The following SPEF2 variants were observed in gnomAD, a reference collection of about 807,000 sequenced individuals.
SPEF2 encodes the protein sperm flagellar and cilia associated 2, also known as sperm flagella and cilia-associated protein 2.
Under a neutral mutation model 224.6 loss-of-function variants are expected in SPEF2, and 187 were observed. The observed-to-expected ratio is 0.83, with a 90% CI of 0.74 to 0.94. The LOEUF (loss-of-function observed/expected upper bound fraction) is 0.94, where lower values mean the gene tolerates loss of function less well. Among genes scored for constraint, SPEF2 ranks in the 40% least tolerant of loss-of-function variants. SPEF2 has a pLI of 0.00. For missense variants in SPEF2, 2,170 were observed against 2,135.6 expected, an observed-to-expected ratio of 1.02 and a Z score of -0.32; for synonymous variants, 715 against 707.3, an observed-to-expected ratio of 1.01 and a Z score of -0.17.
chr5:35,623,112 G>A (rs1743755352), intron 1 of SPEF2, among the ~76,000 whole-genome samples: 1 of 152,220 alleles, frequency 6.6e-6, no homozygotes, highest in African/African-American at 2.4e-5. Context: ...ATCTCAGTAA[G>A]AGGGTGCTAG....
At chr5:35,741,266 G>A (rs1457144157) in intron 23 of SPEF2, among the ~76,000 whole-genome samples, 1 of 152,204 alleles carries the variant, frequency 6.6e-6, no homozygotes. Flanking sequence ...GTACCATTTT[G>A]TAAACAGTGG....
chr5:35,738,569 A>G (rs904850955), intron 21 of SPEF2, among the ~76,000 whole-genome samples: 4 of 148,290 alleles, frequency 2.7e-5, no homozygotes, highest in Non-Finnish European at 6.0e-5. Context: ...ACAAGTTTTG[A>G]CAAACTTGTT....
At position 35,712,836 on chromosome 5, in the gene SPEF2, C is replaced by G. The variant is rs775492243; in HGVS notation, c.2864C>G (p.Ser955Cys). 1.2e-6 allele frequency: 2 copies of G among 1,613,798 alleles called. No homozygotes were observed. Among genetic ancestry groups the G allele is most frequent in the South Asian group, 2.2e-5 (2 of 91,066 alleles). The change falls in exon 20 of 37, where the codon TCT (serine) becomes TGT (cysteine). Residue 955 changes from serine (S) to cysteine (C), a missense_variant. Coordinates refer to ENST00000356031, the MANE Select transcript of SPEF2 (RefSeq NM_024867.4). ...QSEAPHGKQE[S>C]LQEGKGKKGE... Reference sequence around the variant, plus strand: ...GAAGCCCCGCATGGTAAGCAAGAATCTCTTCAGGAAGGAAAAGGGAAGAAA... The same window carrying G: ...GAAGCCCCGCATGGTAAGCAAGAATGTCTTCAGGAAGGAAAAGGGAAGAAA...
intron 8 of SPEF2, among the ~76,000 whole-genome samples, chr5:35,664,844 G>GAA (rs113552848): frequency 1.5e-4 from 23 of 150,574 alleles, no homozygotes; most frequent in Middle Eastern, 3.4e-3. Context: ...GGAGGAGAGA[G>GAA]AGAAAACGAG....
At chr5:35,795,592 C>G (rs1756556245) in intron 32 of SPEF2, 111 bp from the exon 33 acceptor site, 2 of 805,478 alleles carry the variant, frequency 2.5e-6, no homozygotes, top group Non-Finnish European at 3.9e-6. Context: ...CTGCATCCTA[C>G]TTGGGAGACA....
rs186124263 is a variant in SPEF2, at chr5:35,808,069, A to G, written c.5379+816A>G. ...GTAGATTGTGTATCTTGACTTCTCAATGATAGCAAGTTACATTTTGCAGTT... is the reference window on the plus strand; with the variant it reads ...GTAGATTGTGTATCTTGACTTCTCAGTGATAGCAAGTTACATTTTGCAGTT... On this transcript the variant is annotated intron_variant, in intron 36 of 36. Coordinates refer to ENST00000356031, the MANE Select transcript of SPEF2 (RefSeq NM_024867.4). 2.6e-4 allele frequency: 276 copies of G among 1,055,480 alleles called. No individual in the cohort carries two copies. The Middle Eastern group carries it at 2.6e-3, about 10-fold the overall frequency. 65.4% of individuals were successfully genotyped at this position (1,055,480 alleles called of 1,614,324 possible).
chr5:35,644,233 C>T, intron 3 of SPEF2, 122 bp from the exon 4 acceptor site: 4 of 803,842 alleles, frequency 5.0e-6, no homozygotes, highest in East Asian at 2.9e-5. Context: ...TTGAATTTAG[C>T]TTAACTATCA....
At chr5:35,640,149 C>T (rs891665278) in intron 2 of SPEF2, among the ~76,000 whole-genome samples, 1 of 152,054 alleles carries the variant, frequency 6.6e-6, no homozygotes, top group Non-Finnish European at 1.5e-5. Context: ...AGAGAAAACT[C>T]TTCTCTCTTT....
intron 20 of SPEF2, among the ~76,000 whole-genome samples, chr5:35,724,348 T>C (rs1744265087): frequency 6.6e-6 from 1 of 152,172 alleles, no homozygotes; most frequent in African/African-American, 2.4e-5. Context: ...AGTACGAGTC[T>C]CTTAATGAAT....
Position 35,779,238 on chromosome 5 carries a change from C to T in SPEF2, c.4339C>T (p.Pro1447Ser). Residue 1447 changes from proline (P) to serine (S), a missense_variant, in exon 30 of 37, where the codon CCT becomes TCT. Transcript: ENST00000356031. ...TGGCAATATAAAAGTCTTCCCAGATCCTCCCCCATCAATACGTCCTCCACC... is the reference window on the plus strand; with the variant it reads ...TGGCAATATAAAAGTCTTCCCAGATTCTCCCCCATCAATACGTCCTCCACC... ...INGNIKVFPD[P>S]PPSIRPPPVE... is the part of the protein sequence containing the mutation. 1 of 1,613,864 alleles carries T rather than the reference C, an allele frequency of 6.2e-7. No homozygotes were observed. Among genetic ancestry groups the T allele is most frequent in the African/African-American group, 1.3e-5 (1 of 74,992 alleles).
intron 18 of SPEF2, among the ~76,000 whole-genome samples, chr5:35,706,406 C>T (rs998950736): frequency 6.6e-6 from 1 of 151,918 alleles, no homozygotes; most frequent in Non-Finnish European, 1.5e-5. Flanking sequence ...TTCATTCAAC[C>T]AATGATAATT....
At chr5:35,674,947 T>A (rs186066146) in intron 10 of SPEF2, among the ~76,000 whole-genome samples, 1 of 152,264 alleles carries the variant, frequency 6.6e-6, no homozygotes, top group East Asian at 1.9e-4. Context: ...TGCCAAGAAG[T>A]CTTAATTTTC....
At chr5:35,713,570 C>T (rs1303080839) in intron 20 of SPEF2, among the ~76,000 whole-genome samples, 1 of 150,818 alleles carries the variant, frequency 6.6e-6, no homozygotes, top group Non-Finnish European at 1.5e-5. Flanking sequence ...CCCATCTCTA[C>T]TAAAAAAATA....
intron 7 of SPEF2, among the ~76,000 whole-genome samples, chr5:35,658,409 A>G (rs1749249842): frequency 6.6e-6 from 1 of 152,174 alleles, no homozygotes; most frequent in Non-Finnish European, 1.5e-5. Flanking sequence ...GTCAGTTTGT[A>G]TTAATAGCTT....
At chr5:35,665,579 A>C (rs902252894) in intron 8 of SPEF2, among the ~76,000 whole-genome samples, 1 of 152,018 alleles carries the variant, frequency 6.6e-6, no homozygotes, top group Non-Finnish European at 1.5e-5. Flanking sequence ...TTTTTTCCTC[A>C]CATCCTAAAT....
intron 10 of SPEF2, among the ~76,000 whole-genome samples, chr5:35,686,742 A>AAAAC (rs1216820486): frequency 6.6e-6 from 1 of 152,112 alleles, no homozygotes; most frequent in Non-Finnish European, 1.5e-5. Context: ...TTATAAACTC[A>AAAAC]TTGGCCATTT....
intron 15 of SPEF2, chr5:35,699,238 C>A (rs1738050033): frequency 6.6e-6 from 1 of 152,152 alleles, no homozygotes; most frequent in East Asian, 1.9e-4. Context: ...AAGGGGATTC[C>A]ATTGTTTAAT....
chr5:35,720,752 T>C (rs1361624846), intron 20 of SPEF2, among the ~76,000 whole-genome samples: 3 of 152,332 alleles, frequency 2.0e-5, no homozygotes, highest in Non-Finnish European at 2.9e-5. Flanking sequence ...TAAAGAAGAT[T>C]GAGCATCATT....
chr5:35,747,403 G>A (rs1289060596), intron 23 of SPEF2, among the ~76,000 whole-genome samples: 1 of 152,162 alleles, frequency 6.6e-6, no homozygotes, highest in Non-Finnish European at 1.5e-5. Context: ...CTGCAGAATG[G>A]ATAAGAACTC....
Sources: gnomAD v4.1 joint callset for allele counts (sites outside exome capture counted in the v4.1 genomes callset) on GRCh38, gnomAD v4.1.1 for gene constraint, MANE v1.5 for transcripts, NCBI Gene and HGNC (gene_info 2026-07-23, HGNC 2026-07-21) for gene names.